Variants in INPP5D observed in about 807,000 individuals in gnomAD.
The protein encoded by INPP5D is inositol polyphosphate-5-phosphatase D, also known as phosphatidylinositol 3,4,5-trisphosphate 5-phosphatase 1.
In INPP5D, 33 loss-of-function variants were observed where a neutral mutation model predicts 122.9. That is an observed-to-expected ratio of 0.27 (90% CI 0.20 to 0.36). The LOEUF is 0.36. INPP5D is among the 10% of genes least tolerant of loss of function. The pLI, the probability that INPP5D is intolerant of heterozygous loss-of-function variation, is 1.00. For synonymous variants in INPP5D, 584 were observed against 576.2 expected, an observed-to-expected ratio of 1.01 and a Z score of -0.19; for missense variants, 1,053 against 1,412.7, an observed-to-expected ratio of 0.75 and a Z score of 4.08.
chr2:233,072,289 T>C (rs1468331176), intron 1 of INPP5D, among the ~76,000 whole-genome samples: 1 of 152,248 alleles, frequency 6.6e-6, no homozygotes, highest in African/African-American at 2.4e-5. Flanking sequence ...ATGATTATAT[T>C]ATACCCCTTA....
rs76787961 is a variant in INPP5D at position 233,074,459 on chromosome 2, G to A, written c.135-4876G>A. Among the ~76,000 whole-genome samples the A allele has an allele frequency of 2.0e-5, 3 of 152,254 alleles. No individual in the cohort carries two copies. In the East Asian group the frequency reaches 5.8e-4, roughly 29 times the overall value. ...GTTAATGCTTTCTCCCTTCTGGAGG[G>A]GTCCATGTTAGCAAGAAATGGCCTC... On this transcript the variant is annotated intron_variant, in intron 1 of 26. Coordinates refer to ENST00000445964, the MANE Select transcript of INPP5D (RefSeq NM_001017915.3).
At chr2:233,165,054 A>G (rs1281717892) in intron 13 of INPP5D, among the ~76,000 whole-genome samples, 2 of 152,182 alleles carry the variant, frequency 1.3e-5, no homozygotes, top group African/African-American at 2.4e-5. Flanking sequence ...AGAAGTCTTC[A>G]TAAGTGTAGG....
At chr2:233,099,603 C>G (rs1296989023) in intron 2 of INPP5D, among the ~76,000 whole-genome samples, 1 of 152,236 alleles carries the variant, frequency 6.6e-6, no homozygotes. Context: ...AGATCACAAT[C>G]TGGTGGCCCC....
Position 233,170,341 on chromosome 2 carries a change from C to T in INPP5D, c.1792-155C>T, listed in dbSNP as rs1274659037. The T allele has an allele frequency of 8.8e-6, 13 of 1,484,810 alleles. No individual in the cohort carries two copies. Among genetic ancestry groups the T allele is most frequent in the Non-Finnish European group, 1.2e-5 (13 of 1,106,770 alleles). The allele number at this position is 1,484,810 out of a possible 1,614,324, so 92.0% of individuals were successfully genotyped here. A position where few individuals can be genotyped will look rare whatever the true frequency, so the allele number is the denominator to read the frequency against. ...GCCTCAGCCGCTCCTCACGGTTCCC[C>T]TGTGCTCACACCCGGTTCCCATAAC... On this transcript the variant is annotated intron_variant, in intron 15 of 26. Coordinates refer to ENST00000445964, the MANE Select transcript of INPP5D (RefSeq NM_001017915.3). This position sits in a 1 kb window ranked among gnomAD's most constrained non-coding sequence, Gnocchi z 4.5.
Position 233,139,872 on chromosome 2 carries a change from GTC to G in INPP5D, c.700_701del (p.Leu234AlafsTer5), listed in dbSNP as rs1693598428. 2.5e-6 allele frequency: 1 copy of G among 398,702 alleles called. No homozygotes were observed. The highest frequency in any genetic ancestry group is 1.3e-4 in the South Asian group (1 of 7,858). The allele number at this position is 398,702 out of a possible 1,614,324, so 24.7% of individuals were successfully genotyped here. A position where few individuals can be genotyped will look rare whatever the true frequency, so the allele number is the denominator to read the frequency against. On this transcript the variant is annotated frameshift_variant, in exon 6 of 27. Coordinates refer to ENST00000445964, the MANE Select transcript of INPP5D (RefSeq NM_001017915.3). LOFTEE classifies it high-confidence loss of function. ...TCATCCGGACCCTCCCATCCCTGGA[GTC>G]TCTGCAGAGGTTATTTGACCAGCAG... is the stretch of plus-strand genomic sequence containing the variant. ...EVIRTLPSLESLQRLFDQQLS... is the reference protein window; with the variant it reads ...EVIRTLPSLEXLQRLFDQQLS...
chr2:233,159,801 C>T (rs1197798779), intron 10 of INPP5D, among the ~76,000 whole-genome samples: 3 of 152,094 alleles, frequency 2.0e-5, no homozygotes, highest in Non-Finnish European at 4.4e-5. Flanking sequence ...GGGACAAGCG[C>T]TTCTGGTGCA....
At chr2:233,169,184 C>T (rs530772121) in intron 13 of INPP5D, 121 bp from the exon 14 acceptor site, 667 of 1,441,932 alleles carry the variant, frequency 4.6e-4, no homozygotes, top group Non-Finnish European at 5.9e-4. Context: ...GACCCTGTTT[C>T]GCCCATCCCT....
intron 1 of INPP5D, among the ~76,000 whole-genome samples, chr2:233,069,669 T>C (rs1691323831): frequency 6.6e-6 from 1 of 152,266 alleles, no homozygotes; most frequent in South Asian, 2.1e-4. Flanking sequence ...TTAGGTTTTC[T>C]TCCTAATGAT....
intron 17 of INPP5D, among the ~76,000 whole-genome samples, chr2:233,174,072 A>G (rs1173742682): frequency 6.6e-6 from 1 of 152,262 alleles, no homozygotes; most frequent in Non-Finnish European, 1.5e-5. Context: ...GTCGTCTCCT[A>G]TGATGACAAT....
chr2:233,092,535 C>T (rs920000930), intron 2 of INPP5D, among the ~76,000 whole-genome samples: 8 of 152,004 alleles, frequency 5.3e-5, no homozygotes, highest in East Asian at 1.9e-4. Context: ...GCCATCTATA[C>T]GGGTGTGAGG....
Position 233,189,384 on chromosome 2 carries a change from G to A in INPP5D, c.2359-466G>A, listed in dbSNP as rs563858749. Among the ~76,000 whole-genome samples, 1 of 152,354 alleles carries A rather than the reference G, an allele frequency of 6.6e-6. No individual in the cohort carries two copies. ...AGCCAGACAGGGGCAGGGCTGGGAT[G>A]CAGCCACAGTCCTGGAGGGGGCCAA... On this transcript the variant is annotated intron_variant, in intron 21 of 26. Coordinates refer to ENST00000445964, the MANE Select transcript of INPP5D (RefSeq NM_001017915.3). The surrounding 1 kb of genome is among the most constrained non-coding windows in gnomAD (Gnocchi z 5.6).
intron 2 of INPP5D, among the ~76,000 whole-genome samples, chr2:233,083,641 T>C (rs1257435486): frequency 6.6e-6 from 1 of 152,204 alleles, no homozygotes; most frequent in Non-Finnish European, 1.5e-5. Flanking sequence ...GTGCCTATCT[T>C]GAGCTGCTCG....
At chr2:233,115,452 C>G (rs969024325) in intron 2 of INPP5D, among the ~76,000 whole-genome samples, 11 of 152,154 alleles carry the variant, frequency 7.2e-5, no homozygotes, top group Admixed American at 3.9e-4. Flanking sequence ...AAAGTCAGAG[C>G]CCAGGAACTG....
At chr2:233,129,917 T>A (rs11682022) in intron 4 of INPP5D, among the ~76,000 whole-genome samples, 5,493 of 139,030 alleles carry the variant, frequency 0.04, 125 homozygotes, top group Middle Eastern at 0.063. Context: ...TGTGTGTGTG[T>A]GAGAGACAGT....
At chr2:233,103,651 G>A (rs927055057) in intron 2 of INPP5D, among the ~76,000 whole-genome samples, 1 of 151,848 alleles carries the variant, frequency 6.6e-6, no homozygotes, top group Non-Finnish European at 1.5e-5. Context: ...CTGGCTGCCT[G>A]CCGAGGGGGT....
At chr2:233,180,650 C>T (rs537094373) in intron 18 of INPP5D, among the ~76,000 whole-genome samples, 33 of 152,212 alleles carry the variant, frequency 2.2e-4, no homozygotes, top group African/African-American at 2.9e-4. Context: ...AGTGATTCTC[C>T]GCCTCAGCCT....
intron 1 of INPP5D, among the ~76,000 whole-genome samples, chr2:233,073,619 G>A (rs959700781): frequency 3.9e-4 from 46 of 117,122 alleles, no homozygotes; most frequent in Non-Finnish European, 6.3e-4. Flanking sequence ...CAGCCTGGGC[G>A]ACAAGAGCGA....
intron 18 of INPP5D, among the ~76,000 whole-genome samples, chr2:233,181,444 G>A (rs945220022): frequency 6.6e-5 from 10 of 151,810 alleles, no homozygotes; most frequent in African/African-American, 1.2e-4. Flanking sequence ...CTCATCCTTC[G>A]TGTGAAAGCC....
intron 5 of INPP5D, among the ~76,000 whole-genome samples, chr2:233,137,885 T>C (rs1464657966): frequency 1.8e-5 from 1 of 56,264 alleles, no homozygotes; most frequent in Admixed American, 2.2e-4. Context: ...TATATATATA[T>C]ATATATATAT....
Sources: gnomAD v4.1 joint callset for allele counts (sites outside exome capture counted in the v4.1 genomes callset) on GRCh38, gnomAD v4.1.1 for gene constraint, Gnocchi (gnomAD v3.1) non-coding constraint, MANE v1.5 for transcripts, NCBI Gene and HGNC (gene_info 2026-07-23, HGNC 2026-07-21) for gene names.